Variants in ALCAM observed in about 807,000 individuals in gnomAD.
ALCAM encodes the protein CD166 antigen.
ALCAM carries 30 observed loss-of-function variants against 70.9 expected under a neutral mutation model. The observed-to-expected ratio is 0.42, with a 90% confidence interval of 0.32 to 0.57. The LOEUF (loss-of-function observed/expected upper bound fraction) is 0.57, where lower values mean the gene tolerates loss of function less well. Among genes scored for constraint, ALCAM ranks in the 20% least tolerant of loss-of-function variants. The probability of loss-of-function intolerance (pLI) is 0.11; values close to 1 mark genes in which losing one functional copy is unlikely to be tolerated. For synonymous variants in ALCAM, 249 were observed against 242.5 expected, an observed-to-expected ratio of 1.03 and a Z score of -0.25; for missense variants, 591 against 695.1, an observed-to-expected ratio of 0.85 and a Z score of 1.68.
At chr3:105,428,400 A>G (rs1044556533) in intron 1 of ALCAM, among the ~76,000 whole-genome samples, 19 of 151,918 alleles carry the variant, frequency 1.3e-4, no homozygotes, top group African/African-American at 3.9e-4. Flanking sequence ...CTAAAAGTTC[A>G]TCTTTCTAAT....
chr3:105,451,818 A>T (rs10511243), intron 1 of ALCAM, among the ~76,000 whole-genome samples: 104,756 of 152,016 alleles, frequency 0.69, 36,403 homozygotes, highest in East Asian at 0.92. Flanking sequence ...GGCAAGGATA[A>T]TTGAGATTTG....
chr3:105,489,839 T>A (rs944580192), intron 1 of ALCAM, among the ~76,000 whole-genome samples: 2 of 145,298 alleles, frequency 1.4e-5, no homozygotes, highest in East Asian at 2.0e-4. Flanking sequence ...GAGAAAAAAA[T>A]ATATTCCTGT....
chr3:105,435,573 A>G (rs1937031622), intron 1 of ALCAM, among the ~76,000 whole-genome samples: 1 of 152,244 alleles, frequency 6.6e-6, no homozygotes, highest in African/African-American at 2.4e-5. Context: ...GCAAGTAATA[A>G]GATGCTATCT....
intron 1 of ALCAM, among the ~76,000 whole-genome samples, chr3:105,460,842 C>T (rs537881187): frequency 1.3e-5 from 2 of 152,002 alleles, no homozygotes; most frequent in South Asian, 2.1e-4. Context: ...TTTCACATTT[C>T]TTTTCATTGA....
At chr3:105,555,839 C>A (rs1241258786) in intron 14 of ALCAM, among the ~76,000 whole-genome samples, 1 of 151,876 alleles carries the variant, frequency 6.6e-6, no homozygotes, top group Non-Finnish European at 1.5e-5. Context: ...AGTAAGGACT[C>A]ATGACTTTTT....
chr3:105,445,692 C>A (rs534382490), intron 1 of ALCAM, among the ~76,000 whole-genome samples: 1 of 152,154 alleles, frequency 6.6e-6, no homozygotes, highest in South Asian at 2.1e-4. Context: ...TTATAGCCAA[C>A]TTATTTTCAA....
chr3:105,457,256 T>C (rs528282036), intron 1 of ALCAM, among the ~76,000 whole-genome samples: 12 of 152,326 alleles, frequency 7.9e-5, no homozygotes, highest in Non-Finnish European at 1.6e-4. Context: ...CTGCATGGTA[T>C]TCCATGGTGT....
chr3:105,545,220 C>A lies in ALCAM; in HGVS notation c.992-3C>A. The A allele has an allele frequency of 6.3e-7, 1 of 1,588,092 alleles. No individual in the cohort carries two copies. Among genetic ancestry groups the A allele is most frequent in the Non-Finnish European group, 8.6e-7 (1 of 1,157,396 alleles). On this transcript the variant is annotated splice_region_variant and splice_polypyrimidine_tract_variant and intron_variant, in intron 8 of 15. Transcript: ENST00000306107. ...CACTTTGAACAGATTTTCTGCTTCA[C>A]AGATTTGGATTTGTCCTTAAACCCA...
At chr3:105,488,665 A>G (rs1385357550) in intron 1 of ALCAM, among the ~76,000 whole-genome samples, 1 of 142,026 alleles carries the variant, frequency 7.0e-6, no homozygotes, top group Non-Finnish European at 1.5e-5. Context: ...AGGAAGGGGA[A>G]GGGAAGGGGA....
At chr3:105,442,652 G>A (rs1440186842) in intron 1 of ALCAM, among the ~76,000 whole-genome samples, 3 of 151,898 alleles carry the variant, frequency 2.0e-5, no homozygotes, top group East Asian at 1.9e-4. Context: ...GTGGTGGCGG[G>A]CACCTGTAGT....
chr3:105,433,296 C>T (rs114788543), intron 1 of ALCAM, among the ~76,000 whole-genome samples: 150 of 152,200 alleles, frequency 9.9e-4, no homozygotes, highest in African/African-American at 3.2e-3. Context: ...CAGAACTTGC[C>T]TTGGCTTAGT....
At chr3:105,401,946 G>A (rs1003226804) in intron 1 of ALCAM, among the ~76,000 whole-genome samples, 1 of 150,956 alleles carries the variant, frequency 6.6e-6, no homozygotes, top group African/African-American at 2.4e-5. Context: ...AGCTTTAGAA[G>A]TGATTCTAAT....
chr3:105,568,371 G>A (rs573437303), intron 14 of ALCAM, among the ~76,000 whole-genome samples: 2 of 152,294 alleles, frequency 1.3e-5, no homozygotes, highest in South Asian at 4.1e-4. Flanking sequence ...GATTACAGGT[G>A]TGAGCCACTG....
At chr3:105,539,202 G>C (rs1394984591) in intron 6 of ALCAM, among the ~76,000 whole-genome samples, 5 of 152,074 alleles carry the variant, frequency 3.3e-5, no homozygotes, top group African/African-American at 4.8e-5. Context: ...GGATAGGTTA[G>C]TGGATCATTT....
chr3:105,478,880 T>A (rs940241597), intron 1 of ALCAM, among the ~76,000 whole-genome samples: 2 of 152,140 alleles, frequency 1.3e-5, no homozygotes, highest in South Asian at 2.1e-4. Flanking sequence ...TCTGAGCTTA[T>A]AATAAATAAC....
At chr3:105,536,605 G>A (rs752633698) in intron 6 of ALCAM, among the ~76,000 whole-genome samples, 6 of 152,264 alleles carry the variant, frequency 3.9e-5, no homozygotes, top group Middle Eastern at 3.4e-3. Flanking sequence ...TTATCATGCT[G>A]GCTGTGTAAG....
At position 105,385,362 on chromosome 3, in the gene ALCAM, G is replaced by T. The variant is rs373731585; in HGVS notation, c.73+17881G>T. On this transcript the variant is annotated intron_variant, in intron 1 of 15. Transcript: ENST00000306107. ...GAAGCTTAAAGGAGCAGCTTGTACT[G>T]ATGAGAAAGGGGAGAGGAATGAGTG... 2.0e-5 allele frequency among the ~76,000 whole-genome samples: 3 copies of T among 151,678 alleles called. No homozygotes were observed. In the East Asian group the frequency reaches 5.8e-4, roughly 30 times the overall value.
chr3:105,440,235 G>C (rs114099723), intron 1 of ALCAM, among the ~76,000 whole-genome samples: 2 of 152,170 alleles, frequency 1.3e-5, no homozygotes, highest in African/African-American at 2.4e-5. Context: ...CAAATGAGGC[G>C]AAAGGAAGTC....
intron 8 of ALCAM, chr3:105,545,004 A>G (rs1321872794): frequency 2.2e-6 from 1 of 460,328 alleles, no homozygotes; most frequent in African/African-American, 2.0e-5. Context: ...ATGGATAATC[A>G]ATTAGATTGA....
Sources: gnomAD v4.1 joint callset for allele counts (sites outside exome capture counted in the v4.1 genomes callset) on GRCh38, gnomAD v4.1.1 for gene constraint, MANE v1.5 for transcripts, NCBI Gene and HGNC (gene_info 2026-07-23, HGNC 2026-07-21) for gene names.